COL19A1: variants seen among roughly 807,000 people sequenced by gnomAD.
The protein encoded by COL19A1 is collagen alpha-1(XIX) chain.
In COL19A1, 159 loss-of-function variants were observed where a neutral mutation model predicts 190.2. That is an observed-to-expected ratio of 0.84 (90% confidence interval 0.73 to 0.95). The LOEUF is 0.95. Ranked by LOEUF, COL19A1 falls within the 40% of genes least tolerant of loss-of-function variation. The probability of loss-of-function intolerance (pLI) is 0.00; values close to 1 mark genes in which losing one functional copy is unlikely to be tolerated. For synonymous variants in COL19A1, 509 were observed against 458.9 expected, an observed-to-expected ratio of 1.11 and a Z score of -1.39; for missense variants, 1,418 against 1,431.9, an observed-to-expected ratio of 0.99 and a Z score of 0.16.
At chr6:70,168,746 G>A (rs1055557358) in intron 40 of COL19A1, 65 bp downstream of exon 40, 48 of 1,572,810 alleles carry the variant, frequency 3.1e-5, no homozygotes, top group Non-Finnish European at 4.2e-5. Context: ...TGAAAGAAAA[G>A]CATCGGGCAA....
At chr6:70,206,158 A>G in intron 49 of COL19A1, among the ~76,000 whole-genome samples, 1 of 152,238 alleles carries the variant, frequency 6.6e-6, no homozygotes, top group East Asian at 1.9e-4. Context: ...TATTCCTATT[A>G]TATTATCTTG....
chr6:70,130,564 T>G (rs528123788), intron 18 of COL19A1, among the ~76,000 whole-genome samples: 1 of 152,330 alleles, frequency 6.6e-6, no homozygotes, highest in South Asian at 2.1e-4. Context: ...GGCCCAGTAT[T>G]TTATACGGAC....
In COL19A1 at chr6:70,035,916, C is replaced by T; in HGVS notation, c.1147C>T (p.Pro383Ser). ...TAATCTATTTTAGGGAGATACAGGA[C>T]CCCCAGGACCACCAGCCTTACCTGT... ...GPKGEKGDTG[P>S]PGPPALPGSL... The change falls in exon 14 of 51, where the codon CCC becomes TCC. Residue 383 changes from proline to serine, a missense_variant. Physicochemically the swap from Pro to Ser is moderately conservative, Grantham distance 74. Coordinates refer to ENST00000620364, the MANE Select transcript of COL19A1 (RefSeq NM_001858.6). The T allele has an allele frequency of 1.9e-6, 3 of 1,612,884 alleles. No homozygotes were observed. The highest frequency in any genetic ancestry group is 1.3e-5 in the African/African-American group (1 of 74,962).
At chr6:69,899,420 T>TG (rs1770011907) in intron 3 of COL19A1, among the ~76,000 whole-genome samples, 3 of 152,192 alleles carry the variant, frequency 2.0e-5, no homozygotes, top group Admixed American at 1.3e-4. Flanking sequence ...CCCACAGTGC[T>TG]GGGATTGCAG....
chr6:70,190,506 A>G (rs1766798800), intron 48 of COL19A1, 125 bp downstream of exon 48: 1 of 641,240 alleles, frequency 1.6e-6, no homozygotes, highest in Non-Finnish European at 2.8e-6. Flanking sequence ...GGGGCAGCCC[A>G]TTTTATGATG....
At chr6:70,018,552 C>G (rs1007356014) in intron 11 of COL19A1, among the ~76,000 whole-genome samples, 2 of 151,988 alleles carry the variant, frequency 1.3e-5, no homozygotes, top group African/African-American at 4.8e-5. Context: ...CATGGATGGA[C>G]AAAAGTGAAG....
chr6:70,160,566 C>T (rs373512715), intron 34 of COL19A1, among the ~76,000 whole-genome samples: 3 of 152,282 alleles, frequency 2.0e-5, no homozygotes, highest in East Asian at 1.9e-4. Context: ...CTAACTCACA[C>T]GGAGCTTGTC....
rs117232887 is a variant in COL19A1, at chr6:69,988,477, A to T, written c.1026+25607A>T. On this transcript the variant is annotated intron_variant, in intron 11 of 50. Coordinates refer to ENST00000620364, the MANE Select transcript of COL19A1 (RefSeq NM_001858.6). The stretch of plus-strand genomic sequence containing the variant: ...AGATGAGAAATTAATAAAACAAATG[A>T]TCGTTGCTACTGATAAATAAATGCT... Among the ~76,000 whole-genome samples, 1,436 of 152,306 alleles carry T rather than the reference A, an allele frequency of 9.4e-3. 4 individuals are homozygous for T. The highest frequency in any genetic ancestry group is 0.015 in the Non-Finnish European group (1,003 of 68,020).
At chr6:70,170,483 T>G (rs1765433112) in intron 40 of COL19A1, among the ~76,000 whole-genome samples, 1 of 152,188 alleles carries the variant, frequency 6.6e-6, no homozygotes, top group Non-Finnish European at 1.5e-5. Flanking sequence ...ATTTATTATC[T>G]TCTGAGGCGC....
In COL19A1 at chr6:70,146,899, ATT is replaced by A; in HGVS notation, c.1893+11_1893+12del. On this transcript the variant is annotated intron_variant, in intron 27 of 50. Transcript: ENST00000620364. ...AATTCCTGGCAGAACAGTAAGTGAA[ATT>A]CATTCGAGTCCTTGTTGATTCCAAC... 1 of 1,562,114 alleles carries A rather than the reference ATT, an allele frequency of 6.4e-7. No individual in the cohort carries two copies. Among genetic ancestry groups the A allele is most frequent in the South Asian group, 1.2e-5 (1 of 81,902 alleles).
chr6:69,873,817 T>C (rs1401831794), intron 1 of COL19A1, among the ~76,000 whole-genome samples: 1 of 152,112 alleles, frequency 6.6e-6, no homozygotes, highest in Non-Finnish European at 1.5e-5. Flanking sequence ...TCCATAGCCT[T>C]CTTAATATGT....
intron 44 of COL19A1, 64 bp downstream of exon 44, chr6:70,180,587 C>A: frequency 6.6e-7 from 1 of 1,514,134 alleles, no homozygotes; most frequent in Non-Finnish European, 9.2e-7. Flanking sequence ...ATCTCCTCAT[C>A]TACCACCTCA....
At chr6:69,878,002 C>T (rs1188415543) in intron 1 of COL19A1, among the ~76,000 whole-genome samples, 1 of 151,720 alleles carries the variant, frequency 6.6e-6, no homozygotes, top group Non-Finnish European at 1.5e-5. Flanking sequence ...CAGAGCAAAA[C>T]TCTGTCTCCA....
intron 2 of COL19A1, among the ~76,000 whole-genome samples, chr6:69,896,679 T>C (rs1273541567): frequency 6.6e-6 from 1 of 152,198 alleles, no homozygotes; most frequent in Non-Finnish European, 1.5e-5. Context: ...TTCAGTGCTT[T>C]AATTTTAGCC....
At position 69,916,477 on chromosome 6, in the gene COL19A1, T is replaced by C. The variant is rs1009617721; in HGVS notation, c.267-11432T>C. Among the ~76,000 whole-genome samples, 5 of 152,224 alleles carry C rather than the reference T, an allele frequency of 3.3e-5. No homozygotes were observed. In the East Asian group the frequency reaches 9.6e-4, roughly 29 times the overall value. On this transcript the variant is annotated intron_variant, in intron 4 of 50. Coordinates refer to ENST00000620364, the MANE Select transcript of COL19A1 (RefSeq NM_001858.6). ...CATGGCTATCTTTTCCAAAATCCAA[T>C]AGGCAGTAATTTCTATTTTGAAGTC...
chr6:70,040,737 C>T (rs1191996969), intron 14 of COL19A1, among the ~76,000 whole-genome samples: 1 of 152,098 alleles, frequency 6.6e-6, no homozygotes, highest in Non-Finnish European at 1.5e-5. Context: ...GTAAAAATGT[C>T]ATGGAGATTA....
intron 4 of COL19A1, among the ~76,000 whole-genome samples, chr6:69,918,739 C>A (rs1206590590): frequency 6.6e-6 from 1 of 151,794 alleles, no homozygotes; most frequent in Non-Finnish European, 1.5e-5. Flanking sequence ...AACACAAAAA[C>A]CAGTAAGACT....
intron 9 of COL19A1, among the ~76,000 whole-genome samples, chr6:69,953,184 A>C (rs1774220265): frequency 6.6e-6 from 1 of 152,074 alleles, no homozygotes; most frequent in Non-Finnish European, 1.5e-5. Context: ...CCTGCCTATG[A>C]AATTGTTAGG....
At chr6:70,072,678 C>A (rs1781627862) in intron 15 of COL19A1, among the ~76,000 whole-genome samples, 1 of 152,142 alleles carries the variant, frequency 6.6e-6, no homozygotes, top group South Asian at 2.1e-4. Context: ...GTGCTTGCTC[C>A]AAGCTGGCTT....
Sources: gnomAD v4.1 joint callset for allele counts (sites outside exome capture counted in the v4.1 genomes callset) on GRCh38, gnomAD v4.1.1 for gene constraint, MANE v1.5 for transcripts, NCBI Gene and HGNC (gene_info 2026-07-23, HGNC 2026-07-21) for gene names.